SEMA3E: variants seen among roughly 807,000 people sequenced by gnomAD.
SEMA3E encodes the protein semaphorin 3E.
SEMA3E carries 49 observed loss-of-function variants against 93.6 expected under a neutral mutation model. The ratio of observed to expected loss-of-function variants is 0.52; its 90% confidence interval spans 0.42 to 0.66. SEMA3E has a LOEUF of 0.66. SEMA3E is among the 30% of genes least tolerant of loss of function. SEMA3E has a pLI of 0.00. For missense variants in SEMA3E, 906 were observed against 964.8 expected, an observed-to-expected ratio of 0.94 and a Z score of 0.81; for synonymous variants, 363 against 330.7, an observed-to-expected ratio of 1.10 and a Z score of -1.06.
Position 83,547,259 on chromosome 7 carries a change from A to G in SEMA3E, c.116-56985T>C, listed in dbSNP as rs112071597. ...AGTTATTATTAATTAGCATTTAGGC[A>G]GAGTCAGACATCACAGTTGATGGGA... On this transcript the variant is annotated intron_variant, in intron 1 of 16. Coordinates refer to ENST00000643230, the MANE Select transcript of SEMA3E (RefSeq NM_012431.3). 8.0e-3 allele frequency among the ~76,000 whole-genome samples: 1,213 copies of G among 152,268 alleles called. 19 individuals are homozygous for G. Among genetic ancestry groups the G allele is most frequent in the African/African-American group, 0.027 (1,130 of 41,546 alleles).
At position 83,372,268 on chromosome 7, in the gene SEMA3E, T is replaced by A. The variant is rs965573772; in HGVS notation, c.1876-4230A>T. 3 of 398,068 alleles carry A rather than the reference T, an allele frequency of 7.5e-6. No individual in the cohort carries two copies. The South Asian group carries it at 3.8e-4, about 51-fold the overall frequency. The allele number at this position is 398,068 out of a possible 1,614,324, so 24.7% of individuals were successfully genotyped here. On this transcript the variant is annotated intron_variant, in intron 16 of 16. Coordinates refer to ENST00000643230, the MANE Select transcript of SEMA3E (RefSeq NM_012431.3). ...GAAAGAGGGCTACATCACAGATACG[T>A]CTTAGGACATTGCCTTTACCTGAAA...
At chr7:83,487,234 GTCCACATAGGAA>G (rs1159719875) in intron 2 of SEMA3E, among the ~76,000 whole-genome samples, 1 of 151,998 alleles carries the variant, frequency 6.6e-6, no homozygotes, top group Non-Finnish European at 1.5e-5. Context: ...TGGTCTTATG[GTCCACATAGGAA>G]ACAACAGCTC....
At chr7:83,544,511 C>T (rs947564855) in intron 1 of SEMA3E, among the ~76,000 whole-genome samples, 5 of 152,182 alleles carry the variant, frequency 3.3e-5, no homozygotes, top group East Asian at 1.9e-4. Flanking sequence ...TCCAAAATCC[C>T]GGTTAGCACA....
intron 1 of SEMA3E, among the ~76,000 whole-genome samples, chr7:83,624,357 C>A (rs1251668227): frequency 6.6e-6 from 1 of 152,086 alleles, no homozygotes; most frequent in Non-Finnish European, 1.5e-5. Context: ...TAAAAGCATT[C>A]CTATTACTCC....
chr7:83,393,343 G>C (rs1020719287), intron 13 of SEMA3E, among the ~76,000 whole-genome samples: 1 of 152,046 alleles, frequency 6.6e-6, no homozygotes, highest in African/African-American at 2.4e-5. Flanking sequence ...AGACCAGCCT[G>C]GGCAACATGG....
At chr7:83,395,874 A>C (rs1023794670) in intron 12 of SEMA3E, among the ~76,000 whole-genome samples, 16 of 152,184 alleles carry the variant, frequency 1.1e-4, no homozygotes, top group Non-Finnish European at 2.1e-4. Flanking sequence ...CTTTAAACAC[A>C]AACACACATA....
At position 83,491,998 on chromosome 7, in the gene SEMA3E, T is replaced by C. The variant is rs995372925; in HGVS notation, c.116-1724A>G. Reference sequence around the variant, plus strand: ...TATCATTATAATTTGTCTTTATACATAAGCATTTACGTTTATATCAGGGCT... The same window carrying C: ...TATCATTATAATTTGTCTTTATACACAAGCATTTACGTTTATATCAGGGCT... On this transcript the variant is annotated intron_variant, in intron 1 of 16. Coordinates refer to ENST00000643230, the MANE Select transcript of SEMA3E (RefSeq NM_012431.3). 2.0e-5 allele frequency among the ~76,000 whole-genome samples: 3 copies of C among 152,150 alleles called. No individual in the cohort carries two copies. In the South Asian group the frequency reaches 6.2e-4, roughly 32 times the overall value.
chr7:83,481,580 A>G (rs2115943213), intron 2 of SEMA3E, among the ~76,000 whole-genome samples: 1 of 152,270 alleles, frequency 6.6e-6, no homozygotes, highest in Non-Finnish European at 1.5e-5. Flanking sequence ...CTAAATTGGA[A>G]GTTTTAGAGT....
intron 1 of SEMA3E, among the ~76,000 whole-genome samples, chr7:83,604,784 C>T (rs988881874): frequency 4.6e-5 from 7 of 152,018 alleles, no homozygotes; most frequent in Non-Finnish European, 8.8e-5. Context: ...TCACTCCCCT[C>T]GCCCCCCACC....
Position 83,443,218 on chromosome 7 carries a change from G to T in SEMA3E, c.456+23264C>A, listed in dbSNP as rs61446017. ...AGGACCTTTCTGACATGGTGACGGG[G>T]TATTGGATTGAAGAAGGGACAAAAC... On this transcript the variant is annotated intron_variant, in intron 4 of 16. Transcript: ENST00000643230. 4.2e-3 allele frequency among the ~76,000 whole-genome samples: 640 copies of T among 152,290 alleles called. 6 individuals are homozygous for T. Among genetic ancestry groups the T allele is most frequent in the African/African-American group, 0.014 (576 of 41,542 alleles).
At chr7:83,635,359 C>G (rs547004423) in intron 1 of SEMA3E, among the ~76,000 whole-genome samples, 1 of 151,738 alleles carries the variant, frequency 6.6e-6, no homozygotes, top group South Asian at 2.1e-4. Context: ...ATCCTAATTT[C>G]TATAGACTTC....
At chr7:83,397,468 A>G (rs913565255) in intron 11 of SEMA3E, among the ~76,000 whole-genome samples, 1 of 152,128 alleles carries the variant, frequency 6.6e-6, no homozygotes, top group Non-Finnish European at 1.5e-5. Flanking sequence ...GAAACTCATC[A>G]TATATATAAA....
chr7:83,470,402 C>T (rs73174544), intron 2 of SEMA3E, among the ~76,000 whole-genome samples: 36,599 of 151,856 alleles, frequency 0.24, 4,733 homozygotes, highest in Middle Eastern at 0.38. Flanking sequence ...TTTGCTTAAT[C>T]TATAGAATTG....
At chr7:83,448,333 G>A (rs1408919397) in intron 4 of SEMA3E, among the ~76,000 whole-genome samples, 1 of 152,088 alleles carries the variant, frequency 6.6e-6, no homozygotes, top group African/African-American at 2.4e-5. Flanking sequence ...AAATATCTTA[G>A]TAAACATATT....
At chr7:83,554,894 G>A (rs1339156136) in intron 1 of SEMA3E, among the ~76,000 whole-genome samples, 3 of 151,852 alleles carry the variant, frequency 2.0e-5, no homozygotes, top group Non-Finnish European at 2.9e-5. Flanking sequence ...GGAGAATGGC[G>A]TGAACCCGGG....
At position 83,387,068 on chromosome 7, in the gene SEMA3E, C is replaced by T. The variant is rs771755120; in HGVS notation, c.1668-18G>A. ...GGAAACGCCTGAAAGAAAGTAAATG[C>T]ATTTAGATGTTCATTTTTTCAATTT... is the stretch of plus-strand genomic sequence containing the variant. On this transcript the variant is annotated intron_variant, in intron 14 of 16. Transcript: ENST00000643230. 1.9e-5 allele frequency: 31 copies of T among 1,609,598 alleles called. No individual in the cohort carries two copies. The highest frequency in any genetic ancestry group is 2.5e-5 in the Non-Finnish European group (30 of 1,177,412).
intron 16 of SEMA3E, among the ~76,000 whole-genome samples, chr7:83,377,879 A>G (rs761189404): frequency 6.6e-6 from 1 of 151,992 alleles, no homozygotes; most frequent in Non-Finnish European, 1.5e-5. Flanking sequence ...AAATACTTCA[A>G]CTATATGACC....
At chr7:83,463,349 A>C (rs1789673896) in intron 4 of SEMA3E, among the ~76,000 whole-genome samples, 1 of 151,880 alleles carries the variant, frequency 6.6e-6, no homozygotes, top group South Asian at 2.1e-4. Context: ...AGGCCCTCAA[A>C]ATCACAAACT....
chr7:83,490,426 A>T (rs545522423), intron 1 of SEMA3E, 152 bp from the exon 2 acceptor site: 3 of 718,526 alleles, frequency 4.2e-6, no homozygotes, highest in African/African-American at 1.8e-5. Context: ...TTTAATGTGC[A>T]CAAGTTAAAA....
Sources: allele counts gnomAD v4.1 joint callset (sites outside exome capture counted in the v4.1 genomes callset), GRCh38; gene constraint gnomAD v4.1.1; transcripts MANE v1.5; gene names NCBI Gene and HGNC (gene_info 2026-07-23, HGNC 2026-07-21).